TEX2: variants seen among roughly 807,000 people sequenced by gnomAD.
TEX2 encodes the protein testis-expressed protein 2.
In TEX2, 53 loss-of-function variants were observed where a neutral mutation model predicts 106.9. The observed-to-expected ratio is 0.50, with a 90% confidence interval of 0.40 to 0.62. TEX2 has a LOEUF of 0.62. Among genes scored for constraint, TEX2 ranks in the 20% least tolerant of loss-of-function variants. The pLI is 0.00. For synonymous variants in TEX2, 523 were observed against 534.8 expected (o/e 0.98, Z 0.30); for missense variants, 1,207 against 1,379.0 (o/e 0.88, Z 1.98).
chr17:64,239,063 G>T (rs2033829483), intron 1 of TEX2: 1 of 152,178 alleles, frequency 6.6e-6, no homozygotes, highest in Admixed American at 6.5e-5. Context: ...TCTGAATAAG[G>T]AAACTGAGTC....
Position 64,193,608 on chromosome 17 carries a change from C to A in TEX2, c.2127G>T (p.Lys709Asn), listed in dbSNP as rs376846523. 1.4e-5 allele frequency: 21 copies of A among 1,450,188 alleles called. No individual in the cohort carries two copies. The highest frequency in any genetic ancestry group is 1.7e-5 in the Non-Finnish European group (19 of 1,092,646). 89.8% of individuals were successfully genotyped at this position (1,450,188 alleles called of 1,614,324 possible). ...EWFRRFILAS[K>N]LKSEIKKSSG... ...ATGACTTCTTGATTTCCGACTTTAGCTTAGATGCCAGAATAAATCTCCTAA... is the reference window on the plus strand; with the variant it reads ...ATGACTTCTTGATTTCCGACTTTAGATTAGATGCCAGAATAAATCTCCTAA... The change falls in exon 4 of 12, where the codon AAG (lysine) becomes AAT (asparagine). Residue 709 changes from lysine (K) to asparagine (N), a missense_variant. Coordinates refer to ENST00000584379, the MANE Select transcript of TEX2 (RefSeq NM_001288732.2).
chr17:64,178,809 G>A (rs572813421), intron 5 of TEX2, among the ~76,000 whole-genome samples: 42 of 152,328 alleles, frequency 2.8e-4, no homozygotes, highest in Non-Finnish European at 5.0e-4. Flanking sequence ...TCACCTCCAC[G>A]CTTTGTGCTT....
At chr17:64,152,874 A>T in intron 10 of TEX2, 71 bp downstream of exon 10, 1 of 1,497,076 alleles carries the variant, frequency 6.7e-7, no homozygotes, top group Non-Finnish European at 9.1e-7. Flanking sequence ...CCTCAAGGTT[A>T]AGCAGGCTGG....
chr17:64,148,438 T>C lies in TEX2; in HGVS notation c.*531A>G, dbSNP rs915261200. On this transcript the variant is annotated 3_prime_UTR_variant, in exon 12 of 12. Coordinates refer to ENST00000584379, the MANE Select transcript of TEX2 (RefSeq NM_001288732.2). Reference sequence around the variant, plus strand: ...CAAATGCACAATTTAATGTGGAAAATAAGTTGCTCTGCCCATCTCTTCTGT... The same window carrying C: ...CAAATGCACAATTTAATGTGGAAAACAAGTTGCTCTGCCCATCTCTTCTGT... 8 of 153,460 alleles carry C rather than the reference T, an allele frequency of 5.2e-5. No homozygotes were observed. Among genetic ancestry groups the C allele is most frequent in the African/African-American group, 1.9e-4 (8 of 41,424 alleles). 9.5% of individuals were successfully genotyped at this position (153,460 alleles called of 1,614,324 possible). A position where few individuals can be genotyped will look rare whatever the true frequency, so the allele number is the denominator to read the frequency against.
intron 1 of TEX2, among the ~76,000 whole-genome samples, chr17:64,240,092 G>A (rs910900377): frequency 1.3e-5 from 2 of 151,654 alleles, no homozygotes; most frequent in Non-Finnish European, 2.9e-5. Flanking sequence ...AAATGAGGGG[G>A]AAAATACAAA....
At chr17:64,206,256 G>A (rs1555630733) in intron 2 of TEX2, among the ~76,000 whole-genome samples, 1 of 152,204 alleles carries the variant, frequency 6.6e-6, no homozygotes, top group Non-Finnish European at 1.5e-5. Flanking sequence ...TGTCACTACA[G>A]GGATGCCATT....
chr17:64,201,236 C>T (rs1555630052), intron 2 of TEX2, among the ~76,000 whole-genome samples: 1 of 152,180 alleles, frequency 6.6e-6, no homozygotes, highest in African/African-American at 2.4e-5. Flanking sequence ...CCCTCAGACA[C>T]TTGCTTTGCT....
intron 5 of TEX2, among the ~76,000 whole-genome samples, chr17:64,183,661 C>A (rs1475650475): frequency 6.6e-6 from 1 of 152,204 alleles, no homozygotes; most frequent in African/African-American, 2.4e-5. Flanking sequence ...CTCCTGAGCT[C>A]AGGCAGTCCA....
intron 5 of TEX2, among the ~76,000 whole-genome samples, chr17:64,182,424 C>A (rs2031915327): frequency 6.6e-6 from 1 of 152,084 alleles, no homozygotes; most frequent in Non-Finnish European, 1.5e-5. Flanking sequence ...GTATTCAATT[C>A]TACTGAACTA....
At chr17:64,181,581 G>A (rs2031865172) in intron 5 of TEX2, among the ~76,000 whole-genome samples, 2 of 151,330 alleles carry the variant, frequency 1.3e-5, no homozygotes, top group South Asian at 2.1e-4. Context: ...GCAGTGGCGC[G>A]ATCTCGACTC....
chr17:64,214,152 T>C lies in TEX2; in HGVS notation c.66A>G (p.Lys22=), dbSNP rs1296766811. The change falls in exon 2 of 12, where the codon AAA becomes AAG. Residue 22 remains lysine, a synonymous_variant. Transcript: ENST00000584379. ...GGGACACGGACCTCTGCACGTGCACTTTAGGGGCTGATGGTTTTGGCATGT... is the reference window on the plus strand; with the variant it reads ...GGGACACGGACCTCTGCACGTGCACCTTAGGGGCTGATGGTTTTGGCATGT... ...TTDMPKPSAP[K]VHVQRSVSRD... 5 of 1,613,994 alleles carry C rather than the reference T, an allele frequency of 3.1e-6. No homozygotes were observed. Among genetic ancestry groups the C allele is most frequent in the Non-Finnish European group, 4.2e-6 (5 of 1,180,030 alleles).
chr17:64,212,742 G>A lies in TEX2; in HGVS notation c.1476C>T (p.Pro492=), dbSNP rs1555631753. 1 of 1,614,128 alleles carries A rather than the reference G, an allele frequency of 6.2e-7. No individual in the cohort carries two copies. The highest frequency in any genetic ancestry group is 1.1e-5 in the South Asian group (1 of 91,074). Residue 492 remains proline, a synonymous_variant, in exon 2 of 12, where the codon CCC becomes CCT. Coordinates refer to ENST00000584379, the MANE Select transcript of TEX2 (RefSeq NM_001288732.2). ...CCAGAAAGAGTCCACTCACATAGTGGGGGAGGGGGAGGATGAGGTACACAT... is the reference window on the plus strand; with the variant it reads ...CCAGAAAGAGTCCACTCACATAGTGAGGGAGGGGGAGGATGAGGTACACAT... ...CVYVYLILPL[P]HYVSGLFLGI...
At chr17:64,152,380 T>C (rs748672260) in intron 10 of TEX2, among the ~76,000 whole-genome samples, 5 of 152,106 alleles carry the variant, frequency 3.3e-5, no homozygotes, top group Non-Finnish European at 7.4e-5. Context: ...CCCCAGGTGA[T>C]TTTAACATGC....
chr17:64,166,555 T>C (rs988360265), intron 7 of TEX2, among the ~76,000 whole-genome samples: 5 of 152,252 alleles, frequency 3.3e-5, no homozygotes, highest in Non-Finnish European at 7.3e-5. Flanking sequence ...TGAGGCAATC[T>C]GACTGCCCTT....
At chr17:64,180,764 T>G (rs976200948) in intron 5 of TEX2, among the ~76,000 whole-genome samples, 8 of 152,316 alleles carry the variant, frequency 5.3e-5, no homozygotes, top group African/African-American at 1.7e-4. Flanking sequence ...AGCAAGCCCA[T>G]CAAAACTGCG....
chr17:64,209,401 A>T (rs2032931802), intron 2 of TEX2, among the ~76,000 whole-genome samples: 3 of 152,196 alleles, frequency 2.0e-5, no homozygotes, highest in Non-Finnish European at 2.9e-5. Context: ...CCAACAAAAG[A>T]CTTCAGGCTA....
chr17:64,260,025 C>G (rs1435478585), intron 1 of TEX2, among the ~76,000 whole-genome samples: 2 of 152,144 alleles, frequency 1.3e-5, no homozygotes, highest in African/African-American at 4.8e-5. Flanking sequence ...AGTAATTTAC[C>G]CTTAAGGTCA....
chr17:64,242,677 A>G (rs531600693), intron 1 of TEX2, among the ~76,000 whole-genome samples: 76 of 152,340 alleles, frequency 5.0e-4, no homozygotes, highest in South Asian at 1.7e-3. Flanking sequence ...AGGACTTAAA[A>G]GCAGGACACA....
At chr17:64,160,778 T>C (rs1241370116) in intron 8 of TEX2, 23 bp downstream of exon 8, 2 of 1,612,246 alleles carry the variant, frequency 1.2e-6, no homozygotes, top group Admixed American at 1.7e-5. Context: ...ATTGGATTAG[T>C]AAATTCATAT....
Sources: gnomAD v4.1 joint callset for allele counts (sites outside exome capture counted in the v4.1 genomes callset) on GRCh38, gnomAD v4.1.1 for gene constraint, MANE v1.5 for transcripts, NCBI Gene and HGNC (gene_info 2026-07-23, HGNC 2026-07-21) for gene names.